The following CCDC50 variants were observed in gnomAD, a reference collection of about 807,000 sequenced individuals.
CCDC50 encodes the protein coiled-coil domain containing 50, also known as coiled-coil domain-containing protein 50.
In CCDC50, 54 loss-of-function variants were observed where a neutral mutation model predicts 70.2. That is an observed-to-expected ratio of 0.77 (90% CI 0.62 to 0.96). The LOEUF (loss-of-function observed/expected upper bound fraction) is 0.96, where lower values mean the gene tolerates loss of function less well. Among genes scored for constraint, CCDC50 ranks in the 50% least tolerant of loss-of-function variants. The probability of loss-of-function intolerance (pLI) is 0.00; values close to 1 mark genes in which losing one functional copy is unlikely to be tolerated. For missense variants in CCDC50, 558 were observed against 578.7 expected (o/e 0.96, Z 0.37); for synonymous variants, 216 against 198.8 (o/e 1.09, Z -0.73).
At chr3:191,353,946 A>G (rs1045088118) in intron 1 of CCDC50, among the ~76,000 whole-genome samples, 2 of 152,198 alleles carry the variant, frequency 1.3e-5, no homozygotes, top group African/African-American at 4.8e-5. Flanking sequence ...ACAAATTGCA[A>G]TAATAGAATA....
chr3:191,357,069 T>C lies in CCDC50; in HGVS notation c.50-19T>C. ...TTACTAATGAGCCTTCCTGTCTGTT[T>C]TTCCTCCATCTACTCTAGTATGCCG... is the stretch of plus-strand genomic sequence containing the variant. On this transcript the variant is annotated intron_variant, in intron 1 of 11. Transcript: ENST00000392455. The C allele has an allele frequency of 1.9e-6, 3 of 1,566,078 alleles. No homozygotes were observed. Among genetic ancestry groups the C allele is most frequent in the Non-Finnish European group, 2.6e-6 (3 of 1,137,670 alleles).
chr3:191,360,944 G>A, intron 3 of CCDC50, 125 bp from the exon 4 acceptor site: 1 of 696,840 alleles, frequency 1.4e-6, no homozygotes, highest in Non-Finnish European at 2.6e-6. Flanking sequence ...TCTTTATCTT[G>A]AAGATAAAGT....
chr3:191,342,699 A>C (rs1025638172), intron 1 of CCDC50, among the ~76,000 whole-genome samples: 1 of 152,196 alleles, frequency 6.6e-6, no homozygotes, highest in Admixed American at 6.5e-5. Flanking sequence ...GGGCTTGTGT[A>C]AGTGCCAGGA....
intron 10 of CCDC50, among the ~76,000 whole-genome samples, chr3:191,387,402 G>A (rs907607392): frequency 6.6e-6 from 1 of 152,082 alleles, no homozygotes; most frequent in African/African-American, 2.4e-5. Flanking sequence ...GTACAACAAA[G>A]TTAGTTAATA....
intron 6 of CCDC50, among the ~76,000 whole-genome samples, chr3:191,379,755 C>T (rs1056448686): frequency 6.6e-6 from 1 of 152,104 alleles, no homozygotes; most frequent in Non-Finnish European, 1.5e-5. Context: ...CTCTACTCTC[C>T]TCCAGCCTTG....
intron 1 of CCDC50, among the ~76,000 whole-genome samples, chr3:191,348,786 CTG>C (rs1449035681): frequency 7.0e-6 from 1 of 142,482 alleles, no homozygotes; most frequent in Non-Finnish European, 1.6e-5. Context: ...CACTGTCATA[CTG>C]TGTTTAGATT....
chr3:191,344,086 A>G (rs1289000832), intron 1 of CCDC50, among the ~76,000 whole-genome samples: 1 of 152,242 alleles, frequency 6.6e-6, no homozygotes, highest in Non-Finnish European at 1.5e-5. Flanking sequence ...GACCAGTAAT[A>G]TACTCAAGAC....
intron 1 of CCDC50, among the ~76,000 whole-genome samples, chr3:191,332,116 G>A (rs371849000): frequency 6.6e-6 from 1 of 152,204 alleles, no homozygotes; most frequent in African/African-American, 2.4e-5. Context: ...CTGTTTAGGA[G>A]GGGATGGGGC....
At chr3:191,357,890 T>G (rs1712345251) in intron 2 of CCDC50, 108 bp from the exon 3 acceptor site, 4 of 1,337,986 alleles carry the variant, frequency 3.0e-6, no homozygotes, top group Admixed American at 1.7e-5. Context: ...TAAAATGAAG[T>G]GATGGATGCA....
intron 10 of CCDC50, 93 bp downstream of exon 10, chr3:191,382,918 G>A: frequency 1.1e-6 from 1 of 918,334 alleles, no homozygotes; most frequent in South Asian, 1.4e-5. Context: ...GTTTTTTGGA[G>A]AGGAGATCCA....
At chr3:191,357,451 G>A (rs772051581) in intron 2 of CCDC50, among the ~76,000 whole-genome samples, 1 of 152,088 alleles carries the variant, frequency 6.6e-6, no homozygotes, top group Non-Finnish European at 1.5e-5. Flanking sequence ...ATTTATCTGG[G>A]GTGCGTAGAA....
intron 10 of CCDC50, among the ~76,000 whole-genome samples, chr3:191,386,745 A>C (rs1034111561): frequency 6.6e-6 from 1 of 152,162 alleles, no homozygotes; most frequent in Non-Finnish European, 1.5e-5. Flanking sequence ...CACACACACA[A>C]AATACTTAGG....
Position 191,391,965 on chromosome 3 carries a change from T to G in CCDC50, c.*205T>G, listed in dbSNP as rs1295898726. 2 of 592,450 alleles carry G rather than the reference T, an allele frequency of 3.4e-6. No homozygotes were observed. Among genetic ancestry groups the G allele is most frequent in the Non-Finnish European group, 6.0e-6 (2 of 331,092 alleles). The allele number at this position is 592,450 out of a possible 1,614,324, so 36.7% of individuals were successfully genotyped here. On this transcript the variant is annotated 3_prime_UTR_variant, in exon 12 of 12. Transcript: ENST00000392455. ...CTTGGGCAGTATAAGAAAATGTAGC[T>G]TCTGAATATTGGCCACCTCTATGCT...
At chr3:191,353,935 G>A (rs547200883) in intron 1 of CCDC50, among the ~76,000 whole-genome samples, 2 of 152,124 alleles carry the variant, frequency 1.3e-5, no homozygotes, top group East Asian at 3.9e-4. Flanking sequence ...CAGATTCAGG[G>A]ACAAATTGCA....
chr3:191,365,046 C>A (rs293800), intron 4 of CCDC50, among the ~76,000 whole-genome samples: 96,829 of 151,894 alleles, frequency 0.64, 32,387 homozygotes, highest in East Asian at 0.92. Context: ...TTATTCTTAA[C>A]TAAAACTCTA....
At chr3:191,335,118 T>C (rs1718098707) in intron 1 of CCDC50, among the ~76,000 whole-genome samples, 1 of 152,184 alleles carries the variant, frequency 6.6e-6, no homozygotes, top group African/African-American at 2.4e-5. Context: ...GACTTAACAG[T>C]TTTTGTTGAG....
intron 10 of CCDC50, among the ~76,000 whole-genome samples, chr3:191,383,417 CTCT>C: frequency 6.7e-6 from 1 of 149,372 alleles, no homozygotes. Flanking sequence ...GGGAAGTAAC[CTCT>C]TTTTTTTTTT....
Position 191,380,947 on chromosome 3 carries a change from G to T in CCDC50, c.1242+15G>T. The T allele has an allele frequency of 6.3e-7, 1 of 1,596,130 alleles. No individual in the cohort carries two copies. Among genetic ancestry groups the T allele is most frequent in the Middle Eastern group, 1.7e-4 (1 of 6,036 alleles). On this transcript the variant is annotated intron_variant, in intron 9 of 11. Transcript: ENST00000392455. ...CCGAGTGGAAGGTAGAGTGTGTTTT[G>T]TTTGTTTTCTAATTAGAAATAAAAT... is the stretch of plus-strand genomic sequence containing the variant.
At chr3:191,343,040 A>G (rs1223939764) in intron 1 of CCDC50, among the ~76,000 whole-genome samples, 4 of 152,148 alleles carry the variant, frequency 2.6e-5, no homozygotes, top group Non-Finnish European at 4.4e-5. Flanking sequence ...TTTTTTTTCA[A>G]TCAAGTGTAG....
Sources: allele counts gnomAD v4.1 joint callset (sites outside exome capture counted in the v4.1 genomes callset), GRCh38; gene constraint gnomAD v4.1.1; transcripts MANE v1.5; gene names NCBI Gene and HGNC (gene_info 2026-07-23, HGNC 2026-07-21).